Variants in MAMDC2 observed in about 807,000 individuals in gnomAD.
MAMDC2 encodes the protein MAM domain containing 2.
Under a neutral mutation model 89.8 loss-of-function variants are expected in MAMDC2, and 57 were observed. The ratio of observed to expected loss-of-function variants is 0.63; its 90% CI spans 0.51 to 0.79. The LOEUF is 0.79. Among genes scored for constraint, MAMDC2 ranks in the 30% least tolerant of loss-of-function variants. The pLI is 0.00. For missense variants in MAMDC2, 800 were observed against 820.6 expected (o/e 0.97, Z 0.31); for synonymous variants, 313 against 293.4 (o/e 1.07, Z -0.68).
chr9:70,047,599 TCACTG>T, intron 2 of MAMDC2, among the ~76,000 whole-genome samples: 1 of 152,190 alleles, frequency 6.6e-6, no homozygotes, highest in Non-Finnish European at 1.5e-5. Flanking sequence ...ATCCAGTCTA[TCACTG>T]ATGGGCATTT....
intron 11 of MAMDC2, among the ~76,000 whole-genome samples, chr9:70,198,318 C>A (rs948190435): frequency 1.3e-5 from 2 of 151,856 alleles, no homozygotes; most frequent in Admixed American, 1.3e-4. Context: ...GGTTGTGGAA[C>A]TTGAGACTAC....
At chr9:70,181,331 A>G in intron 11 of MAMDC2, among the ~76,000 whole-genome samples, 1 of 152,166 alleles carries the variant, frequency 6.6e-6, no homozygotes, top group South Asian at 2.1e-4. Flanking sequence ...TCTTGGCTAT[A>G]CAGGCTCTTT....
At chr9:70,086,002 A>T (rs1218865036) in intron 2 of MAMDC2, 2 of 152,062 alleles carry the variant, frequency 1.3e-5, no homozygotes, top group Non-Finnish European at 2.9e-5. Context: ...TGTTGGCAAG[A>T]TTAATATTAT....
At chr9:70,202,020 A>AT (rs1329325369) in intron 11 of MAMDC2, among the ~76,000 whole-genome samples, 6 of 150,280 alleles carry the variant, frequency 4.0e-5, no homozygotes, top group East Asian at 2.1e-4. Flanking sequence ...GGATTCATAG[A>AT]TTTTTTGAAG....
At chr9:70,200,251 G>A (rs1269361953) in intron 11 of MAMDC2, among the ~76,000 whole-genome samples, 10 of 151,424 alleles carry the variant, frequency 6.6e-5, no homozygotes, top group Non-Finnish European at 1.3e-4. Context: ...AAGGGATCCA[G>A]TTTCAGCTTC....
At chr9:70,051,838 T>A (rs537563765) in intron 2 of MAMDC2, among the ~76,000 whole-genome samples, 2 of 152,070 alleles carry the variant, frequency 1.3e-5, no homozygotes, top group Non-Finnish European at 2.9e-5. Flanking sequence ...TCTTGGAGTG[T>A]TTGATTACAT....
intron 11 of MAMDC2, among the ~76,000 whole-genome samples, chr9:70,207,783 T>G (rs1486590254): frequency 6.6e-6 from 1 of 152,252 alleles, no homozygotes. Flanking sequence ...TTTAAGTTTT[T>G]AATCCATCTT....
At position 70,108,442 on chromosome 9, in the gene MAMDC2, T is replaced by C. The variant is rs1828404904; in HGVS notation, c.380T>C (p.Ile127Thr). 6.2e-7 allele frequency: 1 copy of C among 1,608,308 alleles called. No homozygotes were observed. The highest frequency in any genetic ancestry group is 8.5e-7 in the Non-Finnish European group (1 of 1,178,346). The stretch of plus-strand genomic sequence containing the variant: ...AAGGAACCTTCAGACAGCTGGCTCA[T>C]AGCCAGCTTGGATTTGCAAAACAGT... ...SAKEPSDSWLIASLDLQNSSK... is the reference protein window; with the variant it reads ...SAKEPSDSWLTASLDLQNSSK... Residue 127 changes from isoleucine (I) to threonine (T), a missense_variant, in exon 3 of 14, where the codon ATA becomes ACA. Coordinates refer to ENST00000377182, the MANE Select transcript of MAMDC2 (RefSeq NM_153267.5).
At chr9:70,187,378 T>C (rs988928860) in intron 11 of MAMDC2, among the ~76,000 whole-genome samples, 2 of 152,162 alleles carry the variant, frequency 1.3e-5, no homozygotes, top group African/African-American at 2.4e-5. Context: ...ATTAAACCCA[T>C]TAACTGATTT....
At position 70,151,422 on chromosome 9, in the gene MAMDC2, C is replaced by T. The variant is rs145792940; in HGVS notation, c.1404+7603C>T. On this transcript the variant is annotated intron_variant, in intron 9 of 13. Transcript: ENST00000377182. ...TTGTCGGTCTTGTTCATCTCTGTAT[C>T]CACAGCATCTAGCACTGTGCCCTGG... 3.7e-3 allele frequency among the ~76,000 whole-genome samples: 569 copies of T among 152,302 alleles called. 2 individuals carry two copies. Among genetic ancestry groups the T allele is most frequent in the African/African-American group, 0.013 (543 of 41,558 alleles).
intron 7 of MAMDC2, among the ~76,000 whole-genome samples, chr9:70,136,652 G>A (rs2031023174): frequency 6.6e-6 from 1 of 152,184 alleles, no homozygotes; most frequent in South Asian, 2.1e-4. Context: ...AAAGGAGGAA[G>A]GGGGAAGATT....
rs755189450 is a variant in MAMDC2, at chr9:70,225,828, T to C, written c.1990T>C (p.Cys664Arg). 2.5e-6 allele frequency: 4 copies of C among 1,606,080 alleles called. No homozygotes were observed. In the Admixed American group the frequency reaches 5.0e-5, roughly 20 times the overall value. Reference sequence around the variant, plus strand: ...TGATGTTAAATTTCAGGCAGGACCCTGTGGAGGTAATATTTTTTCCCAATC... The same window carrying C: ...TGATGTTAAATTTCAGGCAGGACCCCGTGGAGGTAATATTTTTTCCCAATC... ...IDDVKFQAGP[C>R]GEMEDTTQQS... Residue 664 changes from cysteine (C) to arginine (R), a missense_variant, in exon 13 of 14, where the codon TGT becomes CGT. Physicochemically the swap from Cys to Arg is radical, Grantham distance 180. Coordinates refer to ENST00000377182, the MANE Select transcript of MAMDC2 (RefSeq NM_153267.5).
chr9:70,087,345 C>T (rs979464338), intron 2 of MAMDC2: 3 of 152,136 alleles, frequency 2.0e-5, no homozygotes, highest in Non-Finnish European at 4.4e-5. Flanking sequence ...CTTAAAAGTT[C>T]CATTCAATTT....
At chr9:70,220,629 T>C (rs1223871070) in intron 12 of MAMDC2, among the ~76,000 whole-genome samples, 6 of 152,348 alleles carry the variant, frequency 3.9e-5, no homozygotes, top group African/African-American at 1.4e-4. Context: ...TTCCCCATTT[T>C]ACAGGTGGGG....
At chr9:70,061,402 C>T (rs1341207838) in intron 2 of MAMDC2, among the ~76,000 whole-genome samples, 4 of 152,174 alleles carry the variant, frequency 2.6e-5, no homozygotes, top group Non-Finnish European at 5.9e-5. Context: ...TCATTATTTT[C>T]AGATCCCTCT....
intron 11 of MAMDC2, among the ~76,000 whole-genome samples, chr9:70,179,196 T>G (rs1257705740): frequency 2.0e-5 from 3 of 152,210 alleles, no homozygotes; most frequent in Middle Eastern, 3.4e-3. Context: ...TGGAGATCTA[T>G]CTCTAGCTAA....
intron 9 of MAMDC2, among the ~76,000 whole-genome samples, chr9:70,150,263 C>G (rs1215520780): frequency 6.6e-6 from 1 of 152,160 alleles, no homozygotes; most frequent in African/African-American, 2.4e-5. Flanking sequence ...TCACAGAGCA[C>G]CCAAATAAGC....
rs1402290562 is a variant in MAMDC2, at chr9:70,043,906, C to G, written c.-292C>G. 1 of 553,016 alleles carries G rather than the reference C, an allele frequency of 1.8e-6. No homozygotes were observed. The highest frequency in any genetic ancestry group is 1.9e-5 in the African/African-American group (1 of 52,822). The allele number at this position is 553,016 out of a possible 1,614,324, so 34.3% of individuals were successfully genotyped here. Reference sequence around the variant, plus strand: ...TTTCAAAGTGTGCAGTTGTCTCCTCCCTGTCCAGCCCCATCGTCGCCCAGG... The same window carrying G: ...TTTCAAAGTGTGCAGTTGTCTCCTCGCTGTCCAGCCCCATCGTCGCCCAGG... On this transcript the variant is annotated 5_prime_UTR_variant, in exon 1 of 14. Coordinates refer to ENST00000377182, the MANE Select transcript of MAMDC2 (RefSeq NM_153267.5).
chr9:70,107,956 T>C (rs1410058197), intron 2 of MAMDC2, among the ~76,000 whole-genome samples: 1 of 152,166 alleles, frequency 6.6e-6, no homozygotes, highest in African/African-American at 2.4e-5. Flanking sequence ...TATGGCAAAG[T>C]GGAGACCACA....
Sources: gnomAD v4.1 joint callset for allele counts (sites outside exome capture counted in the v4.1 genomes callset) on GRCh38, gnomAD v4.1.1 for gene constraint, MANE v1.5 for transcripts, NCBI Gene and HGNC (gene_info 2026-07-23, HGNC 2026-07-21) for gene names.